Variants in NWD2 observed in about 807,000 individuals in gnomAD.
NWD2 encodes NACHT and WD repeat domain-containing protein 2.
A neutral mutation model predicts 132.7 loss-of-function variants in NWD2; 37 were observed. That is an observed-to-expected ratio of 0.28 (90% confidence interval 0.21 to 0.37). The LOEUF is 0.37. NWD2 is among the 10% of genes least tolerant of loss of function. The probability of loss-of-function intolerance (pLI) is 1.00; values close to 1 mark genes in which losing one functional copy is unlikely to be tolerated. For synonymous variants in NWD2, 705 were observed against 803.0 expected (o/e 0.88, Z 2.06); for missense variants, 1,592 against 2,122.4 (o/e 0.75, Z 4.91).
chr4:37,446,535 G>A lies in NWD2; in HGVS notation c.4547G>A (p.Arg1516His), dbSNP rs182757268. 311 of 1,551,654 alleles carry A rather than the reference G, an allele frequency of 2.0e-4. 2 individuals carry two copies. In the African/African-American group the frequency reaches 3.3e-3, roughly 16 times the overall value. Reference sequence around the variant, plus strand: ...CTGACAGATGAAGTGATCTGTCGGCGCGTGCAACTTCCAAACAACTTCTTG... The same window carrying A: ...CTGACAGATGAAGTGATCTGTCGGCACGTGCAACTTCCAAACAACTTCTTG... Reference protein sequence around the residue: ...WSLTDEVICRRVQLPNNFLKN... With the variant: ...WSLTDEVICRHVQLPNNFLKN... The change falls in exon 7 of 7, where the codon CGC (arginine) becomes CAC (histidine). Residue 1516 changes from arginine to histidine, a missense_variant. By Grantham distance (29) the Arg-to-His change is conservative. This residue lies in a region of NWD2 where 257 missense variants were observed against 335.0 expected (regional missense o/e 0.77). Transcript: ENST00000309447. This position sits in a 1 kb window ranked among gnomAD's most constrained non-coding sequence, Gnocchi z 6.7.
intron 1 of NWD2, among the ~76,000 whole-genome samples, chr4:37,304,143 G>A (rs1244219131): frequency 6.6e-6 from 1 of 152,172 alleles, no homozygotes; most frequent in Admixed American, 6.5e-5. Context: ...CAGTCATGGT[G>A]GAAGGCAAAG....
intron 2 of NWD2, among the ~76,000 whole-genome samples, chr4:37,335,181 T>G (rs17575939): frequency 0.24 from 35,651 of 151,412 alleles, 4,468 homozygotes; most frequent in African/African-American, 0.31. Flanking sequence ...GTCTTATCTG[T>G]GACTCTTTCC....
At chr4:37,276,261 CA>C (rs1298841164) in intron 1 of NWD2, among the ~76,000 whole-genome samples, 3 of 151,918 alleles carry the variant, frequency 2.0e-5, no homozygotes, top group African/African-American at 7.3e-5. Flanking sequence ...AAGAAAAAAA[CA>C]AACAACCCCA....
rs527281629 is a variant in NWD2 at position 37,369,770 on chromosome 4, G to A, written c.357+13288G>A. ...TATTTTCTTCCCAACTTGCAAATGC[G>A]CACAGGAAATACTGAAAGTGGAGGT... is the stretch of plus-strand genomic sequence containing the variant. On this transcript the variant is annotated intron_variant, in intron 3 of 6. Transcript: ENST00000309447. 1.1e-4 allele frequency among the ~76,000 whole-genome samples: 17 copies of A among 152,258 alleles called. No individual in the cohort carries two copies. The South Asian group carries it at 3.1e-3, about 28-fold the overall frequency.
chr4:37,335,431 T>C (rs1299698544), intron 2 of NWD2, among the ~76,000 whole-genome samples: 2 of 152,114 alleles, frequency 1.3e-5, no homozygotes, highest in South Asian at 2.1e-4. Flanking sequence ...GCATGTCTTA[T>C]TTGTTTTAAT....
chr4:37,368,640 C>T (rs1042691961), intron 3 of NWD2, among the ~76,000 whole-genome samples: 2 of 152,154 alleles, frequency 1.3e-5, no homozygotes, highest in South Asian at 4.1e-4. Context: ...AAAGGAATCA[C>T]TAAGAGCTGG....
intron 2 of NWD2, among the ~76,000 whole-genome samples, chr4:37,356,101 G>A (rs542603549): frequency 4.8e-4 from 73 of 152,148 alleles, no homozygotes; most frequent in African/African-American, 1.7e-3. Flanking sequence ...ACAAAAGCCC[G>A]TGCTCCAAAA....
At chr4:37,269,838 A>G (rs1225739289) in intron 1 of NWD2, among the ~76,000 whole-genome samples, 1 of 151,900 alleles carries the variant, frequency 6.6e-6, no homozygotes, top group South Asian at 2.1e-4. Context: ...GAGAGTCTCT[A>G]TATTTTTTCA....
chr4:37,310,823 C>CCTT (rs1718824600), intron 1 of NWD2, among the ~76,000 whole-genome samples: 1 of 134,896 alleles, frequency 7.4e-6, no homozygotes, highest in African/African-American at 2.8e-5. Context: ...GTGATGTTCC[C>CCTT]CTTCCTGTGT....
At chr4:37,284,531 C>G (rs909867561) in intron 1 of NWD2, among the ~76,000 whole-genome samples, 2 of 152,184 alleles carry the variant, frequency 1.3e-5, no homozygotes, top group East Asian at 1.9e-4. Context: ...GTTGGAGTCC[C>G]CCACAGAGCC....
chr4:37,407,756 G>A (rs888100487), intron 3 of NWD2, among the ~76,000 whole-genome samples: 4 of 152,230 alleles, frequency 2.6e-5, no homozygotes, highest in South Asian at 2.1e-4. Flanking sequence ...TGGTGGAATA[G>A]GATCAGCTCC....
chr4:37,349,498 G>C (rs1367072274), intron 2 of NWD2, among the ~76,000 whole-genome samples: 1 of 152,126 alleles, frequency 6.6e-6, no homozygotes, highest in Non-Finnish European at 1.5e-5. Flanking sequence ...AAAAGTGTCT[G>C]TTCATATCCT....
At chr4:37,336,596 G>A (rs541273499) in intron 2 of NWD2, among the ~76,000 whole-genome samples, 2 of 152,308 alleles carry the variant, frequency 1.3e-5, no homozygotes, top group African/African-American at 4.8e-5. Context: ...AAATTCACTT[G>A]TATGTGTAAA....
At chr4:37,327,149 A>G (rs530990059) in intron 2 of NWD2, among the ~76,000 whole-genome samples, 69 of 152,284 alleles carry the variant, frequency 4.5e-4, no homozygotes, top group Admixed American at 2.0e-4. Flanking sequence ...CAAGAATCCC[A>G]AAGACTTAGA....
chr4:37,384,521 C>T (rs1382057425), intron 3 of NWD2, among the ~76,000 whole-genome samples: 6 of 152,182 alleles, frequency 3.9e-5, no homozygotes, highest in Admixed American at 3.3e-4. Context: ...CATATTCTCT[C>T]TTTTGTCCCT....
Position 37,446,664 on chromosome 4 carries a change from G to C in NWD2, c.4676G>C (p.Arg1559Pro). The change falls in exon 7 of 7, where the codon CGG becomes CCG. Residue 1559 changes from arginine (R) to proline (P), a missense_variant. This residue lies in a region of NWD2 where 257 missense variants were observed against 335.0 expected (regional missense o/e 0.77). Coordinates refer to ENST00000309447, the MANE Select transcript of NWD2 (RefSeq NM_001144990.2). This position sits in a 1 kb window ranked among gnomAD's most constrained non-coding sequence, Gnocchi z 6.7. The part of the protein sequence containing the change: ...NVLDLYSGKL[R>P]VVHASGIIWR... Reference sequence around the variant, plus strand: ...CTAGATTTATACAGTGGTAAATTGCGGGTGGTTCACGCCTCTGGGATCATC... The same window carrying C: ...CTAGATTTATACAGTGGTAAATTGCCGGTGGTTCACGCCTCTGGGATCATC... The C allele has an allele frequency of 2.6e-6, 4 of 1,551,418 alleles. No homozygotes were observed. The South Asian group carries it at 4.8e-5, about 18-fold the overall frequency.
At chr4:37,332,776 A>G (rs113003680) in intron 2 of NWD2, among the ~76,000 whole-genome samples, 320 of 152,262 alleles carry the variant, frequency 2.1e-3, no homozygotes, top group Non-Finnish European at 3.6e-3. Context: ...TAGAGCACCA[A>G]GCGGGCTCTT....
chr4:37,372,659 A>G (rs555582302), intron 3 of NWD2, among the ~76,000 whole-genome samples: 1 of 152,338 alleles, frequency 6.6e-6, no homozygotes, highest in East Asian at 1.9e-4. Flanking sequence ...AGGTCAAAGG[A>G]TAGCATTCTT....
intron 3 of NWD2, among the ~76,000 whole-genome samples, chr4:37,401,780 A>G (rs1240332494): frequency 6.6e-6 from 1 of 152,192 alleles, no homozygotes; most frequent in Non-Finnish European, 1.5e-5. Flanking sequence ...ATCCATGCCC[A>G]TCTTCAGACC....
Sources: allele counts gnomAD v4.1 joint callset (sites outside exome capture counted in the v4.1 genomes callset), GRCh38; gene constraint gnomAD v4.1.1; regional missense constraint gnomAD v4.1.1; non-coding constraint Gnocchi (gnomAD v3.1); transcripts MANE v1.5; gene names NCBI Gene and HGNC (gene_info 2026-07-23, HGNC 2026-07-21).